Variants in RPL14 observed in about 807,000 individuals in gnomAD.
The protein encoded by RPL14 is large ribosomal subunit protein eL14.
A neutral mutation model predicts 25.3 loss-of-function variants in RPL14; 4 were observed. The ratio of observed to expected loss-of-function variants is 0.16; its 90% CI spans 0.08 to 0.36. The LOEUF (loss-of-function observed/expected upper bound fraction) is 0.36. Ranked by LOEUF, RPL14 falls within the 10% of genes least tolerant of loss-of-function variation. RPL14 has a pLI of 1.00. For missense variants in RPL14, 212 were observed against 261.9 expected, an observed-to-expected ratio of 0.81 and a Z score of 1.31; for synonymous variants, 75 against 89.8, an observed-to-expected ratio of 0.84 and a Z score of 0.93.
chr3:40,464,585 CG>C lies in RPL14; in HGVS notation c.*2356del, dbSNP rs923642866. ...AGTGGTTAGATCGTGTAGGGGAACA[CG>C]GGAAGCTACTGAGGGTTTTTTAAAA... On this transcript the variant is annotated 3_prime_UTR_variant, in exon 6 of 6. Transcript: ENST00000396203. 2.2e-6 allele frequency: 1 copy of C among 448,606 alleles called. No homozygotes were observed. The highest frequency in any genetic ancestry group is 4.5e-6 in the Non-Finnish European group (1 of 223,094). 27.8% of individuals were successfully genotyped at this position (448,606 alleles called of 1,614,324 possible).
Position 40,462,740 on chromosome 3 carries a change from A to C in RPL14, c.*508A>C, listed in dbSNP as rs1696965636. The C allele has an allele frequency of 6.5e-6, 1 of 153,096 alleles. No individual in the cohort carries two copies. Among genetic ancestry groups the C allele is most frequent in the African/African-American group, 2.4e-5 (1 of 41,436 alleles). The allele number at this position is 153,096 out of a possible 1,614,324, so 9.5% of individuals were successfully genotyped here. ...TGGATAGGTAGTGCAAAATCATTGC[A>C]GTCATAATTGATCATGTCATGAGAA... On this transcript the variant is annotated 3_prime_UTR_variant, in exon 6 of 6. Transcript: ENST00000396203.
rs149977818 is a variant in RPL14 at position 40,464,557 on chromosome 3, G to A, written c.*2325G>A. The A allele has an allele frequency of 4.4e-6, 2 of 455,612 alleles. No homozygotes were observed. Among genetic ancestry groups the A allele is most frequent in the Non-Finnish European group, 8.8e-6 (2 of 226,584 alleles). 28.2% of individuals were successfully genotyped at this position (455,612 alleles called of 1,614,324 possible). On this transcript the variant is annotated 3_prime_UTR_variant, in exon 6 of 6. Transcript: ENST00000396203. ...GCTCGGGACCACATCAAGGAAGTAGGTTAGTGGTTAGATCGTGTAGGGGAA... is the reference window on the plus strand; with the variant it reads ...GCTCGGGACCACATCAAGGAAGTAGATTAGTGGTTAGATCGTGTAGGGGAA...
intron 3 of RPL14, 140 bp from the exon 4 acceptor site, chr3:40,461,267 G>A (rs1209353724): frequency 4.5e-6 from 3 of 664,910 alleles, no homozygotes; most frequent in African/African-American, 3.6e-5. Flanking sequence ...CTGGCTTACT[G>A]AACACAAAAA....
Position 40,462,291 on chromosome 3 carries a change from C to A in RPL14, c.*59C>A. Reference sequence around the variant, plus strand: ...TGACCTGTTGACAAATGTATTTAAGCCTTTGGATTTAAAGCCTGTTGAGGC... The same window carrying A: ...TGACCTGTTGACAAATGTATTTAAGACTTTGGATTTAAAGCCTGTTGAGGC... On this transcript the variant is annotated 3_prime_UTR_variant, in exon 6 of 6. Transcript: ENST00000396203. 6.7e-7 allele frequency: 1 copy of A among 1,495,380 alleles called. No homozygotes were observed. The highest frequency in any genetic ancestry group is 2.4e-5 in the Admixed American group (1 of 41,146). 92.6% of individuals were successfully genotyped at this position (1,495,380 alleles called of 1,614,324 possible).
chr3:40,463,721 G>A lies in RPL14; in HGVS notation c.*1489G>A, dbSNP rs894309885. On this transcript the variant is annotated 3_prime_UTR_variant, in exon 6 of 6. Transcript: ENST00000396203. ...TGAGGAAGAAATAGTTAACCTTCAG[G>A]GTACATGTATATGAAGCATAAATGA... is the stretch of plus-strand genomic sequence containing the variant. 6.6e-6 allele frequency: 1 copy of A among 152,014 alleles called. No individual in the cohort carries two copies. The highest frequency in any genetic ancestry group is 1.5e-5 in the Non-Finnish European group (1 of 68,026). 9.4% of individuals were successfully genotyped at this position (152,014 alleles called of 1,614,324 possible). A position where few individuals can be genotyped will look rare whatever the true frequency, so the allele number is the denominator to read the frequency against.
chr3:40,461,727 C>A, intron 5 of RPL14, 66 bp downstream of exon 5: 1 of 1,450,688 alleles, frequency 6.9e-7, no homozygotes, highest in East Asian at 2.3e-5. Flanking sequence ...GTAGCCAAAT[C>A]CCATTTCAGG....
chr3:40,457,581 G>A lies in RPL14; in HGVS notation c.3+107G>A. The A allele has an allele frequency of 3.2e-6, 3 of 933,692 alleles. No homozygotes were observed. In the South Asian group the frequency reaches 4.4e-5, roughly 14 times the overall value. 57.8% of individuals were successfully genotyped at this position (933,692 alleles called of 1,614,324 possible). A position where few individuals can be genotyped will look rare whatever the true frequency, so the allele number is the denominator to read the frequency against. On this transcript the variant is annotated intron_variant, in intron 1 of 5. Transcript: ENST00000396203. ...GCGTGGAGGGCCCGGCAGGCCTGGC[G>A]CGCCTTGGGCCACGCGTGCGCGCCT... is the stretch of plus-strand genomic sequence containing the variant.
intron 3 of RPL14, 80 bp downstream of exon 3, chr3:40,458,816 A>AC (rs1696883838): frequency 9.2e-7 from 1 of 1,084,004 alleles, no homozygotes; most frequent in Non-Finnish European, 1.4e-6. Flanking sequence ...AGTAAACAAT[A>AC]CGGAAGATTC....
At chr3:40,457,578 G>GGCGCGCCTTGGGCCACGCGT in intron 1 of RPL14, 104 bp downstream of exon 1, 1 of 985,616 alleles carries the variant, frequency 1.0e-6, no homozygotes, top group East Asian at 2.7e-5. Flanking sequence ...CGGCAGGCCT[G>GGCGCGCCTTGGGCCACGCGT]GCGCGCCTTG....
intron 2 of RPL14, 173 bp downstream of exon 2, chr3:40,458,164 T>G (rs1212930363): frequency 3.2e-6 from 2 of 621,316 alleles, no homozygotes; most frequent in Admixed American, 2.9e-5. Flanking sequence ...AAGTTAGCTA[T>G]TAGTATTGAA....
chr3:40,458,047 C>A, intron 2 of RPL14, 56 bp downstream of exon 2: 1 of 1,419,628 alleles, frequency 7.0e-7, no homozygotes, highest in Non-Finnish European at 1.0e-6. Context: ...CTGCAGATGG[C>A]AATAATGAAT....
At position 40,463,839 on chromosome 3, in the gene RPL14, A is replaced by G. The variant is rs1575253462; in HGVS notation, c.*1607A>G. On this transcript the variant is annotated 3_prime_UTR_variant, in exon 6 of 6. Coordinates refer to ENST00000396203, the MANE Select transcript of RPL14 (RefSeq NM_001034996.3). ...ACACATCTCGTCCTAAGTGTTTCAG[A>G]TAAGAGATACTTATCCTGTGTATAG... is the stretch of plus-strand genomic sequence containing the variant. The G allele has an allele frequency of 6.6e-6, 1 of 152,572 alleles. No homozygotes were observed. Among genetic ancestry groups the G allele is most frequent in the Admixed American group, 6.5e-5 (1 of 15,320 alleles). 9.5% of individuals were successfully genotyped at this position (152,572 alleles called of 1,614,324 possible).
intron 1 of RPL14, 126 bp from the exon 2 acceptor site, chr3:40,457,764 C>G: frequency 1.1e-6 from 1 of 928,364 alleles, no homozygotes; most frequent in Non-Finnish European, 1.7e-6. Context: ...GCCTGGCTCT[C>G]GGGCGTTTGT....
In RPL14 at chr3:40,462,358, T is replaced by A; in HGVS notation, c.*126T>A. The A allele has an allele frequency of 2.6e-6, 2 of 771,600 alleles. No individual in the cohort carries two copies. The highest frequency in any genetic ancestry group is 1.8e-5 in the African/African-American group (1 of 55,158). 47.8% of individuals were successfully genotyped at this position (771,600 alleles called of 1,614,324 possible). Reference sequence around the variant, plus strand: ...ATTGATAGTAGGATTATAATAAACATTAAATAATCAGTTCCTTTTTTTTTT... The same window carrying A: ...ATTGATAGTAGGATTATAATAAACAATAAATAATCAGTTCCTTTTTTTTTT... On this transcript the variant is annotated 3_prime_UTR_variant, in exon 6 of 6. Transcript: ENST00000396203.
In RPL14 at chr3:40,467,360, G is replaced by A. The variant is rs1697042702; in HGVS notation, c.*5128G>A. The A allele has an allele frequency of 6.6e-6, 1 of 152,218 alleles. No individual in the cohort carries two copies. The highest frequency in any genetic ancestry group is 2.4e-5 in the African/African-American group (1 of 41,438). 9.4% of individuals were successfully genotyped at this position (152,218 alleles called of 1,614,324 possible). ...TGGGATAATTCAAACTGGGTCCAGA[G>A]GCCTGAGAACTGGAAGGGCCAGTGG... On this transcript the variant is annotated 3_prime_UTR_variant, in exon 6 of 6. Transcript: ENST00000396203.
In RPL14 at chr3:40,458,000, CACA is replaced by C. The variant is rs1424310452; in HGVS notation, c.105+12_105+14del. On this transcript the variant is annotated intron_variant, in intron 2 of 5. Coordinates refer to ENST00000396203, the MANE Select transcript of RPL14 (RefSeq NM_001034996.3). ...TTATTGATCAGAACAGGGTAAGTGT[CACA>C]ACTTTTTACTAAACATGGCAGTGGA... 1 of 1,612,132 alleles carries C rather than the reference CACA, an allele frequency of 6.2e-7. No individual in the cohort carries two copies. The highest frequency in any genetic ancestry group is 1.7e-5 in the Admixed American group (1 of 60,002).
rs1277443482 is a variant in RPL14 at position 40,468,524 on chromosome 3, T to C, written c.*6292T>C. 1.3e-5 allele frequency: 2 copies of C among 152,250 alleles called. No homozygotes were observed. The highest frequency in any genetic ancestry group is 4.8e-5 in the African/African-American group (2 of 41,470). The allele number at this position is 152,250 out of a possible 1,614,324, so 9.4% of individuals were successfully genotyped here. On this transcript the variant is annotated 3_prime_UTR_variant, in exon 6 of 6. Transcript: ENST00000396203. ...GCCATTAAGTCCACTCATAGAGTTATTTTAAATGTTTTCCTTTAGTTTCCA... is the reference window on the plus strand; with the variant it reads ...GCCATTAAGTCCACTCATAGAGTTACTTTAAATGTTTTCCTTTAGTTTCCA...
At chr3:40,459,376 A>C (rs998890928) in intron 3 of RPL14, among the ~76,000 whole-genome samples, 1 of 152,202 alleles carries the variant, frequency 6.6e-6, no homozygotes, top group Non-Finnish European at 1.5e-5. Context: ...AGTGTGTGTC[A>C]GTTACACAGT....
At position 40,463,893 on chromosome 3, in the gene RPL14, C is replaced by T. The variant is rs1363502439; in HGVS notation, c.*1661C>T. 6.5e-6 allele frequency: 1 copy of T among 153,030 alleles called. No homozygotes were observed. Among genetic ancestry groups the T allele is most frequent in the Non-Finnish European group, 1.5e-5 (1 of 68,896 alleles). 9.5% of individuals were successfully genotyped at this position (153,030 alleles called of 1,614,324 possible). On this transcript the variant is annotated 3_prime_UTR_variant, in exon 6 of 6. Coordinates refer to ENST00000396203, the MANE Select transcript of RPL14 (RefSeq NM_001034996.3). ...GTTGGACTTCTGTTTCTCTCTACCA[C>T]AAGATACAGGTAATTTGGGGCAGTA...
Sources: allele counts gnomAD v4.1 joint callset (sites outside exome capture counted in the v4.1 genomes callset), GRCh38; gene constraint gnomAD v4.1.1; transcripts MANE v1.5; gene names NCBI Gene and HGNC (gene_info 2026-07-23, HGNC 2026-07-21).